The following SSB variants were observed in gnomAD, a reference collection of about 807,000 sequenced individuals.
SSB encodes the protein lupus La protein.
A neutral mutation model predicts 52.9 loss-of-function variants in SSB; 17 were observed. The ratio of observed to expected loss-of-function variants is 0.32; its 90% CI spans 0.22 to 0.48. The LOEUF (loss-of-function observed/expected upper bound fraction) is 0.48, where lower values mean the gene tolerates loss of function less well. Ranked by LOEUF, SSB falls within the 20% of genes least tolerant of loss-of-function variation. The probability of loss-of-function intolerance (pLI) is 0.99; values close to 1 mark genes in which losing one functional copy is unlikely to be tolerated. For synonymous variants in SSB, 111 were observed against 152.1 expected (o/e 0.73, Z 1.99); for missense variants, 314 against 463.6 (o/e 0.68, Z 2.96).
chr2:169,800,877 C>G, intron 1 of SSB, 75 bp from the exon 2 acceptor site: 1 of 1,150,542 alleles, frequency 8.7e-7, no homozygotes. Flanking sequence ...GATATTAATA[C>G]TTTGTAAACA....
intron 2 of SSB, among the ~76,000 whole-genome samples, chr2:169,804,586 G>T (rs934697896): frequency 6.6e-6 from 1 of 151,014 alleles, no homozygotes; most frequent in African/African-American, 2.4e-5. Flanking sequence ...TCACTCTTTT[G>T]TCAGGCTGGA....
In SSB at chr2:169,806,797, A is replaced by G. The variant is rs757444172; in HGVS notation, c.358A>G (p.Thr120Ala). The G allele has an allele frequency of 3.3e-5, 53 of 1,609,878 alleles. No homozygotes were observed. The highest frequency in any genetic ancestry group is 4.2e-5 in the Non-Finnish European group (49 of 1,178,914). The change falls in exon 5 of 12, where the codon ACT becomes GCT. Residue 120 changes from threonine to alanine, a missense_variant. Thr to Ala is a moderately conservative substitution (Grantham distance 58). Coordinates refer to ENST00000260956, the MANE Select transcript of SSB (RefSeq NM_003142.5). ...CCACTCTTCACAGAAAGGCTTCCCAACTGATGCAACTCTTGATGACATAAA... is the reference window on the plus strand; with the variant it reads ...CCACTCTTCACAGAAAGGCTTCCCAGCTGATGCAACTCTTGATGACATAAA... Reference protein sequence around the residue: ...NRSVYIKGFPTDATLDDIKEW... With the variant: ...NRSVYIKGFPADATLDDIKEW...
chr2:169,800,376 C>T (rs1021484389), intron 1 of SSB, among the ~76,000 whole-genome samples: 2 of 151,866 alleles, frequency 1.3e-5, no homozygotes, highest in African/African-American at 4.8e-5. Flanking sequence ...ACTAAAAATA[C>T]AAAAATTAGT....
intron 7 of SSB, 121 bp downstream of exon 7, chr2:169,808,674 T>A: frequency 2.8e-6 from 3 of 1,075,342 alleles, no homozygotes; most frequent in Non-Finnish European, 4.1e-6. Context: ...AACACTGAGA[T>A]CTTAAGCTGC....
intron 1 of SSB, 163 bp downstream of exon 1, chr2:169,799,139 A>AGCCGAGGGGGCGCGGGCGGCGGC (rs1487441481): frequency 1.3e-5 from 2 of 151,752 alleles, no homozygotes; most frequent in East Asian, 1.9e-4. Flanking sequence ...GAGGCGGCGG[A>AGCCGAGGGGGCGCGGGCGGCGGC]GCCGAGGGGG....
At position 169,811,780 on chromosome 2, in the gene SSB, A is replaced by T; in HGVS notation, c.*24A>T. The T allele has an allele frequency of 1.9e-6, 3 of 1,613,272 alleles. No individual in the cohort carries two copies. The highest frequency in any genetic ancestry group is 2.5e-6 in the Non-Finnish European group (3 of 1,179,708). On this transcript the variant is annotated 3_prime_UTR_variant, in exon 12 of 12. Transcript: ENST00000260956. The stretch of plus-strand genomic sequence containing the variant: ...AGTTTAGTAAACCAATTTTTTATTC[A>T]TTTTAAATAGGTTTTAAACGACTTT...
intron 2 of SSB, 70 bp downstream of exon 2, chr2:169,801,096 C>G: frequency 7.8e-7 from 1 of 1,274,496 alleles, no homozygotes; most frequent in Non-Finnish European, 1.1e-6. Flanking sequence ...ACATTTAATT[C>G]TAGTACATGG....
chr2:169,810,415 G>A lies in SSB; in HGVS notation c.802G>A (p.Ala268Thr). The change falls in exon 9 of 12, where the codon GCA becomes ACA. Residue 268 changes from alanine to threonine, a missense_variant. Physicochemically the swap from Ala to Thr is moderately conservative, Grantham distance 58. Coordinates refer to ENST00000260956, the MANE Select transcript of SSB (RefSeq NM_003142.5). ...AAAATGGATAGACTTCGTCAGAGGA[G>A]CAAAAGAGGTTTGGATACATCCCTA... is the stretch of plus-strand genomic sequence containing the variant. ...EIKWIDFVRG[A>T]KEGIILFKEK... 6.2e-7 allele frequency: 1 copy of A among 1,607,170 alleles called. No individual in the cohort carries two copies. Among genetic ancestry groups the A allele is most frequent in the South Asian group, 1.1e-5 (1 of 88,874 alleles).
chr2:169,811,811 G>C lies in SSB; in HGVS notation c.*55G>C. 6.2e-7 allele frequency: 1 copy of C among 1,613,656 alleles called. No individual in the cohort carries two copies. The highest frequency in any genetic ancestry group is 2.2e-5 in the East Asian group (1 of 44,832). ...AATAGGTTTTAAACGACTTTTGTTTGCGGGGCTTTTAAAAGGAAAACCGAA... is the reference window on the plus strand; with the variant it reads ...AATAGGTTTTAAACGACTTTTGTTTCCGGGGCTTTTAAAAGGAAAACCGAA... On this transcript the variant is annotated 3_prime_UTR_variant, in exon 12 of 12. Transcript: ENST00000260956.
chr2:169,807,216 G>A, intron 6 of SSB, 145 bp downstream of exon 6: 1 of 649,600 alleles, frequency 1.5e-6, no homozygotes, highest in South Asian at 2.1e-5. Context: ...TATTTGTTCA[G>A]TGAGAACTAT....
chr2:169,806,942 TAAA>T, intron 5 of SSB, 26 bp from the exon 6 acceptor site: 6 of 1,610,312 alleles, frequency 3.7e-6, no homozygotes, highest in Non-Finnish European at 5.1e-6. Flanking sequence ...GGACATAACT[TAAA>T]AAAATATTTT....
chr2:169,803,914 T>C (rs969171025), intron 2 of SSB, among the ~76,000 whole-genome samples: 2 of 152,094 alleles, frequency 1.3e-5, no homozygotes, highest in African/African-American at 4.8e-5. Flanking sequence ...AATTTTTGTA[T>C]TTTTAGTAGA....
intron 4 of SSB, 101 bp from the exon 5 acceptor site, chr2:169,806,684 A>G (rs768083767): frequency 8.7e-6 from 8 of 922,762 alleles, no homozygotes; most frequent in Non-Finnish European, 1.3e-5. Context: ...AGATAGGTAT[A>G]TCCTGGGTTC....
intron 2 of SSB, among the ~76,000 whole-genome samples, chr2:169,804,693 G>A (rs1689789759): frequency 6.6e-6 from 1 of 152,034 alleles, no homozygotes; most frequent in Non-Finnish European, 1.5e-5. Flanking sequence ...CTACAGGTGT[G>A]TGCCACTATG....
chr2:169,808,418 C>G (rs1271995863), intron 6 of SSB, 64 bp from the exon 7 acceptor site: 16 of 1,314,300 alleles, frequency 1.2e-5, no homozygotes, highest in Non-Finnish European at 1.7e-5. Context: ...TTAAGTTATT[C>G]AAAATAATCT....
chr2:169,806,102 C>T (rs1689824509), intron 4 of SSB: 3 of 436,316 alleles, frequency 6.9e-6, no homozygotes, highest in African/African-American at 4.1e-5. Context: ...TCCTGAGTAG[C>T]TGGGACTACA....
intron 8 of SSB, among the ~76,000 whole-genome samples, chr2:169,809,352 GCCTGGGTGACAGAGTGAGAC>G (rs2105703548): frequency 6.6e-6 from 1 of 152,316 alleles, no homozygotes; most frequent in East Asian, 1.9e-4. Context: ...CTGCAGTCCA[GCCTGGGTGACAGAGTGAGAC>G]CCTGTTTAAA....
chr2:169,800,825 G>A, intron 1 of SSB, 127 bp from the exon 2 acceptor site: 1 of 615,332 alleles, frequency 1.6e-6, no homozygotes, highest in Non-Finnish European at 2.6e-6. Flanking sequence ...TAAAGAAACT[G>A]AACCCGTGAA....
intron 1 of SSB, chr2:169,799,664 A>G (rs1350010351): frequency 1.3e-5 from 2 of 152,194 alleles, no homozygotes; most frequent in East Asian, 1.9e-4. Flanking sequence ...TCACGGTAGT[A>G]ACTTAGGAGT....
Sources: allele counts gnomAD v4.1 joint callset (sites outside exome capture counted in the v4.1 genomes callset), GRCh38; gene constraint gnomAD v4.1.1; transcripts MANE v1.5; gene names NCBI Gene and HGNC (gene_info 2026-07-23, HGNC 2026-07-21).